The following PKNOX2 variants were observed in gnomAD, a reference collection of about 807,000 sequenced individuals.
The protein encoded by PKNOX2 is PBX/knotted 1 homeobox 2, also known as homeobox protein PKNOX2.
PKNOX2 carries 14 observed loss-of-function variants against 53.1 expected under a neutral mutation model. The ratio of observed to expected loss-of-function variants is 0.26; its 90% CI spans 0.17 to 0.41. The LOEUF (loss-of-function observed/expected upper bound fraction) is 0.41, where lower values mean the gene tolerates loss of function less well. Ranked by LOEUF, PKNOX2 falls within the 10% of genes least tolerant of loss-of-function variation. The probability of loss-of-function intolerance (pLI) is 1.00; values close to 1 mark genes in which losing one functional copy is unlikely to be tolerated. For missense variants in PKNOX2, 496 were observed against 602.8 expected (o/e 0.82, Z 1.85); for synonymous variants, 257 against 242.8 (o/e 1.06, Z -0.54).
intron 10 of PKNOX2, among the ~76,000 whole-genome samples, chr11:125,413,660 C>T (rs928312109): frequency 6.6e-6 from 1 of 152,188 alleles, no homozygotes; most frequent in Non-Finnish European, 1.5e-5. Flanking sequence ...ACCTTTTACC[C>T]GGCAACTTGG....
intron 1 of PKNOX2, among the ~76,000 whole-genome samples, chr11:125,183,641 T>A (rs556287963): frequency 8.4e-4 from 128 of 152,182 alleles, no homozygotes; most frequent in Non-Finnish European, 1.3e-3. Context: ...TCTTTTTTTA[T>A]TAACTTTTTT....
chr11:125,312,004 A>G (rs1435591126), intron 2 of PKNOX2, among the ~76,000 whole-genome samples: 1 of 152,172 alleles, frequency 6.6e-6, no homozygotes, highest in Non-Finnish European at 1.5e-5. Context: ...GACTGTCTCA[A>G]AGAAGAAGAA....
chr11:125,214,943 C>A (rs1442839438), intron 1 of PKNOX2, among the ~76,000 whole-genome samples: 1 of 152,026 alleles, frequency 6.6e-6, no homozygotes, highest in Non-Finnish European at 1.5e-5. Flanking sequence ...GTGAGATCCC[C>A]CAGGGGCCTG....
chr11:125,417,703 G>A (rs777583389), intron 10 of PKNOX2, among the ~76,000 whole-genome samples: 31 of 152,126 alleles, frequency 2.0e-4, no homozygotes, highest in Non-Finnish European at 4.0e-4. Flanking sequence ...GAACCCCAAC[G>A]CCCAGCAGAG....
intron 2 of PKNOX2, among the ~76,000 whole-genome samples, chr11:125,329,887 T>C (rs1345529308): frequency 6.6e-6 from 1 of 152,036 alleles, no homozygotes; most frequent in Non-Finnish European, 1.5e-5. Context: ...TGAGCAGATG[T>C]GTGTTGAAGG....
At chr11:125,238,258 G>A (rs1171336297) in intron 2 of PKNOX2, among the ~76,000 whole-genome samples, 1 of 152,224 alleles carries the variant, frequency 6.6e-6, no homozygotes, top group East Asian at 1.9e-4. Flanking sequence ...CCAAAGGGGA[G>A]GGGGCAGGGG....
intron 2 of PKNOX2, among the ~76,000 whole-genome samples, chr11:125,271,444 A>G (rs1320338528): frequency 6.6e-6 from 1 of 152,178 alleles, no homozygotes; most frequent in Non-Finnish European, 1.5e-5. Context: ...ACTTCCTCCC[A>G]TAATTTGCAC....
chr11:125,296,824 C>T (rs1175020653), intron 2 of PKNOX2, among the ~76,000 whole-genome samples: 3 of 152,000 alleles, frequency 2.0e-5, no homozygotes, highest in East Asian at 3.9e-4. Context: ...TTAGTAGAGA[C>T]GGGGTTTCAC....
At chr11:125,322,623 A>G (rs1591527458) in intron 2 of PKNOX2, among the ~76,000 whole-genome samples, 1 of 152,166 alleles carries the variant, frequency 6.6e-6, no homozygotes, top group African/African-American at 2.4e-5. Flanking sequence ...CCCATGGATG[A>G]TGACACCCTC....
chr11:125,175,515 C>T (rs80214090), intron 1 of PKNOX2, among the ~76,000 whole-genome samples: 2,106 of 152,310 alleles, frequency 0.014, 50 homozygotes, highest in African/African-American at 0.048. Context: ...AGGCCACAGA[C>T]GAGTGGAGGC....
At chr11:125,205,349 C>A (rs1432810588) in intron 1 of PKNOX2, among the ~76,000 whole-genome samples, 3 of 152,098 alleles carry the variant, frequency 2.0e-5, no homozygotes, top group African/African-American at 7.2e-5. Context: ...AACCCAGGCC[C>A]AGGTGGGCTC....
At chr11:125,414,084 C>T (rs1955731534) in intron 10 of PKNOX2, among the ~76,000 whole-genome samples, 1 of 152,200 alleles carries the variant, frequency 6.6e-6, no homozygotes, top group Admixed American at 6.5e-5. Flanking sequence ...CCCACCCTCT[C>T]ATCTCCTTCC....
At chr11:125,324,112 G>T (rs948009756) in intron 2 of PKNOX2, among the ~76,000 whole-genome samples, 26 of 152,052 alleles carry the variant, frequency 1.7e-4, no homozygotes, top group Non-Finnish European at 3.5e-4. Context: ...ATGAGAAGAA[G>T]AATTCTTCTT....
In PKNOX2 at chr11:125,431,563, C is replaced by A; in HGVS notation, c.*171C>A. 1.3e-6 allele frequency: 1 copy of A among 766,398 alleles called. No homozygotes were observed. The highest frequency in any genetic ancestry group is 2.0e-6 in the Non-Finnish European group (1 of 491,132). 47.5% of individuals were successfully genotyped at this position (766,398 alleles called of 1,614,324 possible). On this transcript the variant is annotated 3_prime_UTR_variant, in exon 13 of 13. Coordinates refer to ENST00000298282, the MANE Select transcript of PKNOX2 (RefSeq NM_001382323.2). ...AAGGAGACACCTGTTCCTTCCCAAC[C>A]ACCGAGCTTCAATGAGGACCCCAGC...
At chr11:125,256,857 A>G (rs1944440698) in intron 2 of PKNOX2, among the ~76,000 whole-genome samples, 1 of 152,178 alleles carries the variant, frequency 6.6e-6, no homozygotes, top group Non-Finnish European at 1.5e-5. Flanking sequence ...CTTCCGTTGC[A>G]GCCGCCTCTG....
chr11:125,259,879 T>C, intron 2 of PKNOX2, among the ~76,000 whole-genome samples: 1 of 135,156 alleles, frequency 7.4e-6, no homozygotes, highest in African/African-American at 2.7e-5. Context: ...TTTTTAATTC[T>C]TTTTTTTTTT....
intron 4 of PKNOX2, among the ~76,000 whole-genome samples, chr11:125,356,388 C>T (rs1387437516): frequency 1.3e-5 from 2 of 152,184 alleles, no homozygotes; most frequent in East Asian, 3.8e-4. Flanking sequence ...AAGGATGCAG[C>T]CTCATTTTTG....
intron 2 of PKNOX2, among the ~76,000 whole-genome samples, chr11:125,244,353 G>A (rs12802411): frequency 0.22 from 33,210 of 152,036 alleles, 3,948 homozygotes; most frequent in East Asian, 0.47. Context: ...GCCTGTTGCC[G>A]ACCTCTAGAG....
chr11:125,366,294 T>C (rs916571749), intron 4 of PKNOX2, among the ~76,000 whole-genome samples: 3 of 152,304 alleles, frequency 2.0e-5, no homozygotes, highest in Admixed American at 6.5e-5. Flanking sequence ...CCCACTGAGA[T>C]TGGAAAGGCT....
Sources: allele counts gnomAD v4.1 joint callset (sites outside exome capture counted in the v4.1 genomes callset), GRCh38; gene constraint gnomAD v4.1.1; transcripts MANE v1.5; gene names NCBI Gene and HGNC (gene_info 2026-07-23, HGNC 2026-07-21).